DOCK8: variants seen among roughly 807,000 people sequenced by gnomAD.
DOCK8 encodes dedicator of cytokinesis protein 8.
In DOCK8, 141 loss-of-function variants were observed where a neutral mutation model predicts 245.6. That is an observed-to-expected ratio of 0.57 (90% CI 0.50 to 0.66). The LOEUF (loss-of-function observed/expected upper bound fraction) is 0.66. Ranked by LOEUF, DOCK8 falls within the 30% of genes least tolerant of loss-of-function variation. The pLI is 0.00. For synonymous variants in DOCK8, 1,168 were observed against 970.2 expected, an observed-to-expected ratio of 1.20 and a Z score of -3.79; for missense variants, 2,965 against 2,603.4, an observed-to-expected ratio of 1.14 and a Z score of -3.02.
At chr9:265,178 C>T (rs182627472) in intron 1 of DOCK8, among the ~76,000 whole-genome samples, 9 of 152,290 alleles carry the variant, frequency 5.9e-5, no homozygotes, top group African/African-American at 1.4e-4. Context: ...GTGATCCACC[C>T]GCCTTGGCCT....
At chr9:307,885 TA>T (rs897804355) in intron 5 of DOCK8, among the ~76,000 whole-genome samples, 133 of 152,220 alleles carry the variant, frequency 8.7e-4, no homozygotes, top group Non-Finnish European at 1.7e-3. Context: ...TATTCAGCCA[TA>T]AAAAAATGAA....
At chr9:363,207 C>T (rs1040286247) in intron 14 of DOCK8, among the ~76,000 whole-genome samples, 1 of 152,192 alleles carries the variant, frequency 6.6e-6, no homozygotes, top group African/African-American at 2.4e-5. Flanking sequence ...CTTTTGTCCA[C>T]ATTTGGGGAA....
At chr9:440,596 A>G (rs921959852) in intron 40 of DOCK8, among the ~76,000 whole-genome samples, 3 of 152,200 alleles carry the variant, frequency 2.0e-5, no homozygotes, top group Admixed American at 6.5e-5. Flanking sequence ...TTAGAATCCT[A>G]CTAACTCTTT....
intron 5 of DOCK8, among the ~76,000 whole-genome samples, chr9:311,062 G>A (rs1332875888): frequency 6.6e-6 from 1 of 152,058 alleles, no homozygotes; most frequent in Admixed American, 6.5e-5. Context: ...GATGGCGGCG[G>A]ATCACCTAAG....
At chr9:226,984 C>T (rs1462735361) in intron 1 of DOCK8, among the ~76,000 whole-genome samples, 2 of 152,088 alleles carry the variant, frequency 1.3e-5, no homozygotes, top group Admixed American at 6.5e-5. Context: ...ATGCATAACT[C>T]TCTGCAGAGA....
At chr9:390,742 C>G (rs1035238059) in intron 24 of DOCK8, among the ~76,000 whole-genome samples, 176 bp downstream of exon 24, 5 of 152,132 alleles carry the variant, frequency 3.3e-5, no homozygotes, top group Admixed American at 6.5e-5. Context: ...TTGCTTCTAC[C>G]ATGAAAATCT....
chr9:341,792 G>C (rs1168687280), intron 14 of DOCK8, among the ~76,000 whole-genome samples: 1 of 152,196 alleles, frequency 6.6e-6, no homozygotes, highest in Admixed American at 6.5e-5. Flanking sequence ...TGAGCATCGG[G>C]TGAGTGAAGC....
At chr9:402,889 T>C (rs2055178907) in intron 26 of DOCK8, among the ~76,000 whole-genome samples, 1 of 152,112 alleles carries the variant, frequency 6.6e-6, no homozygotes, top group African/African-American at 2.4e-5. Flanking sequence ...GTTTTTGAAA[T>C]GTCTATTTTT....
At chr9:418,642 G>A (rs2056140013) in intron 30 of DOCK8, among the ~76,000 whole-genome samples, 1 of 152,208 alleles carries the variant, frequency 6.6e-6, no homozygotes, top group Non-Finnish European at 1.5e-5. Context: ...TTGCTGGAAA[G>A]AATCATTGTG....
intron 4 of DOCK8, among the ~76,000 whole-genome samples, chr9:303,316 C>T (rs2049643373): frequency 6.6e-6 from 1 of 152,172 alleles, no homozygotes. Context: ...AATTGTTCTA[C>T]AAAAACGACA....
Position 214,941 on chromosome 9 carries a change from C to T in DOCK8, c.-36C>T. 1 of 1,604,560 alleles carries T rather than the reference C, an allele frequency of 6.2e-7. No homozygotes were observed. The highest frequency in any genetic ancestry group is 8.5e-7 in the Non-Finnish European group (1 of 1,177,270). ...GCGCCAGGCCCCCGCTTTCCGCACC[C>T]CGCGACCCTAGAAGCCACCGAACCG... On this transcript the variant is annotated 5_prime_UTR_variant, in exon 1 of 48. Transcript: ENST00000432829.
intron 22 of DOCK8, among the ~76,000 whole-genome samples, chr9:386,043 T>A: frequency 6.6e-6 from 1 of 152,078 alleles, no homozygotes. Context: ...TCCCCTGAAG[T>A]CACAGACTCC....
chr9:431,709 G>C (rs1156451449), intron 36 of DOCK8, among the ~76,000 whole-genome samples: 1 of 151,848 alleles, frequency 6.6e-6, no homozygotes, highest in Non-Finnish European at 1.5e-5. Context: ...GGGTTTTGCT[G>C]TGTTGCCCAG....
rs146446594 is a variant in DOCK8, at chr9:256,260, C to T, written c.54-15367C>T. On this transcript the variant is annotated intron_variant, in intron 1 of 47. Transcript: ENST00000432829. Reference sequence around the variant, plus strand: ...TGGTGGCTTCCTGGAGAATGTTGGCCGAAGACTGAGCCTTACTTCTGGAAA... The same window carrying T: ...TGGTGGCTTCCTGGAGAATGTTGGCTGAAGACTGAGCCTTACTTCTGGAAA... Among the ~76,000 whole-genome samples, 58 of 152,222 alleles carry T rather than the reference C, an allele frequency of 3.8e-4. 1 individual carries two copies. The highest frequency in any genetic ancestry group is 1.3e-3 in the African/African-American group (55 of 41,550).
At chr9:382,009 T>C (rs1029682903) in intron 21 of DOCK8, among the ~76,000 whole-genome samples, 16 of 152,142 alleles carry the variant, frequency 1.1e-4, no homozygotes, top group African/African-American at 3.9e-4. Context: ...CCATAACCGC[T>C]TGTGAAAACA....
chr9:453,934 C>T (rs1354470390), intron 46 of DOCK8, among the ~76,000 whole-genome samples: 2 of 152,190 alleles, frequency 1.3e-5, no homozygotes, highest in African/African-American at 2.4e-5. Context: ...CACTATATTC[C>T]AGGCATGATA....
chr9:449,772 T>C lies in DOCK8; in HGVS notation c.5818-12T>C, dbSNP rs1209606867. The C allele has an allele frequency of 6.2e-7, 1 of 1,612,416 alleles. No homozygotes were observed. Among genetic ancestry groups the C allele is most frequent in the Non-Finnish European group, 8.5e-7 (1 of 1,180,004 alleles). Reference sequence around the variant, plus strand: ...AGACAGTGACTTCCCTATGTTTACGTCTCATGTTCAGTTTGTTTTGACACC... The same window carrying C: ...AGACAGTGACTTCCCTATGTTTACGCCTCATGTTCAGTTTGTTTTGACACC... On this transcript the variant is annotated splice_polypyrimidine_tract_variant and intron_variant, in intron 44 of 47. Transcript: ENST00000432829.
chr9:289,350 C>T (rs1386692460), intron 3 of DOCK8, among the ~76,000 whole-genome samples, 160 bp from the exon 4 acceptor site: 2 of 152,088 alleles, frequency 1.3e-5, no homozygotes, highest in Non-Finnish European at 2.9e-5. Context: ...GTTTATTGCC[C>T]CAGGAATACT....
At chr9:263,834 C>G (rs2047978060) in intron 1 of DOCK8, among the ~76,000 whole-genome samples, 1 of 152,184 alleles carries the variant, frequency 6.6e-6, no homozygotes, top group Non-Finnish European at 1.5e-5. Flanking sequence ...TGCATTATTA[C>G]ACTTTGAAGA....
Sources: gnomAD v4.1 joint callset for allele counts (sites outside exome capture counted in the v4.1 genomes callset) on GRCh38, gnomAD v4.1.1 for gene constraint, MANE v1.5 for transcripts, NCBI Gene and HGNC (gene_info 2026-07-23, HGNC 2026-07-21) for gene names.